The following APBA1 variants were observed in gnomAD, a reference collection of about 807,000 sequenced individuals.
The protein encoded by APBA1 is amyloid-beta A4 precursor protein-binding family A member 1.
In APBA1, 55 loss-of-function variants were observed where a neutral mutation model predicts 86.6. The observed-to-expected ratio is 0.64, with a 90% confidence interval of 0.51 to 0.80. The LOEUF is 0.80. Among genes scored for constraint, APBA1 ranks in the 30% least tolerant of loss-of-function variants. The probability of loss-of-function intolerance (pLI) is 0.00; values close to 1 mark genes in which losing one functional copy is unlikely to be tolerated. For missense variants in APBA1, 1,090 were observed against 1,183.0 expected (o/e 0.92, Z 1.15); for synonymous variants, 511 against 493.9 (o/e 1.03, Z -0.46).
intron 2 of APBA1, among the ~76,000 whole-genome samples, chr9:69,506,375 C>G (rs577317227): frequency 2.3e-5 from 3 of 133,244 alleles, no homozygotes; most frequent in South Asian, 2.6e-4. Flanking sequence ...TAAAAAACCG[C>G]GCACCACGAG....
intron 1 of APBA1, among the ~76,000 whole-genome samples, chr9:69,587,825 G>A (rs185601899): frequency 1.1e-4 from 16 of 152,138 alleles, no homozygotes; most frequent in South Asian, 4.2e-4. Flanking sequence ...AGAAGTTTGC[G>A]ACCAGTTTGA....
intron 1 of APBA1, among the ~76,000 whole-genome samples, chr9:69,639,520 T>C (rs1398186245): frequency 6.6e-6 from 1 of 152,144 alleles, no homozygotes; most frequent in Non-Finnish European, 1.5e-5. Context: ...ACAAGGAGTA[T>C]GTCAAAAGGA....
intron 1 of APBA1, among the ~76,000 whole-genome samples, chr9:69,544,359 T>C (rs1469211862): frequency 6.6e-6 from 1 of 152,198 alleles, no homozygotes; most frequent in African/African-American, 2.4e-5. Flanking sequence ...TAGCTGAAAG[T>C]AATACAAAGT....
chr9:69,528,904 T>C lies in APBA1; in HGVS notation c.-69-11625A>G, dbSNP rs1373209753. ...ATCAGGCAAATAACGAATTGAACAG[T>C]AATTCATTAAAATGTAGTCTTTTTT... On this transcript the variant is annotated intron_variant, in intron 1 of 12. Transcript: ENST00000265381. Among the ~76,000 whole-genome samples the C allele has an allele frequency of 2.0e-5, 3 of 152,130 alleles. No individual in the cohort carries two copies. The East Asian group carries it at 5.8e-4, about 29-fold the overall frequency.
chr9:69,455,921 C>G (rs1301628268), intron 8 of APBA1, among the ~76,000 whole-genome samples: 1 of 152,178 alleles, frequency 6.6e-6, no homozygotes, highest in Non-Finnish European at 1.5e-5. Context: ...GTCACCTCCT[C>G]AAGTGAGGGC....
At chr9:69,634,915 A>C (rs1823125012) in intron 1 of APBA1, among the ~76,000 whole-genome samples, 1 of 152,312 alleles carries the variant, frequency 6.6e-6, no homozygotes, top group South Asian at 2.1e-4. Flanking sequence ...AGATGTTCCT[A>C]GACAAACAAA....
intron 2 of APBA1, among the ~76,000 whole-genome samples, chr9:69,514,084 G>A (rs1210908721): frequency 6.6e-6 from 1 of 152,234 alleles, no homozygotes; most frequent in Non-Finnish European, 1.5e-5. Flanking sequence ...AACAGATTGT[G>A]ACACCTAAGC....
intron 1 of APBA1, among the ~76,000 whole-genome samples, chr9:69,611,166 C>T (rs28881197): frequency 6.6e-6 from 1 of 151,456 alleles, no homozygotes; most frequent in East Asian, 1.9e-4. Context: ...TCAGGTTTGT[C>T]TAACAACTGC....
intron 1 of APBA1, among the ~76,000 whole-genome samples, chr9:69,619,316 T>C (rs1822766956): frequency 6.6e-6 from 1 of 152,158 alleles, no homozygotes; most frequent in Non-Finnish European, 1.5e-5. Flanking sequence ...GACAGAACTA[T>C]AGAAGCAACT....
intron 1 of APBA1, among the ~76,000 whole-genome samples, chr9:69,642,653 G>T (rs545899466): frequency 2.6e-5 from 4 of 152,160 alleles, no homozygotes; most frequent in African/African-American, 7.2e-5. Flanking sequence ...GAGATAGAGA[G>T]AGATAGAGAG....
At chr9:69,598,231 A>G (rs578152794) in intron 1 of APBA1, among the ~76,000 whole-genome samples, 11 of 152,038 alleles carry the variant, frequency 7.2e-5, no homozygotes, top group Non-Finnish European at 1.5e-4. Flanking sequence ...GGAATTGAAC[A>G]ATGAGATCAC....
intron 2 of APBA1, among the ~76,000 whole-genome samples, chr9:69,483,530 C>G (rs1835557591): frequency 6.6e-6 from 1 of 151,626 alleles, no homozygotes; most frequent in Non-Finnish European, 1.5e-5. Context: ...TAGTGTGAAA[C>G]AAACAAACAA....
At chr9:69,484,701 G>A (rs1835578577) in intron 2 of APBA1, among the ~76,000 whole-genome samples, 1 of 152,036 alleles carries the variant, frequency 6.6e-6, no homozygotes, top group East Asian at 1.9e-4. Flanking sequence ...TCCCCCAAGA[G>A]CTCTCAGGAG....
At chr9:69,558,573 T>G (rs911279156) in intron 1 of APBA1, among the ~76,000 whole-genome samples, 21 of 151,220 alleles carry the variant, frequency 1.4e-4, no homozygotes, top group African/African-American at 4.1e-4. Flanking sequence ...TATATATATA[T>G]ATATATATAC....
intron 1 of APBA1, among the ~76,000 whole-genome samples, chr9:69,633,071 G>A (rs1293084992): frequency 6.6e-6 from 1 of 150,692 alleles, no homozygotes; most frequent in African/African-American, 2.4e-5. Context: ...TGCAGGGTTT[G>A]AGAATCTTCC....
chr9:69,625,181 C>T (rs1008387812), intron 1 of APBA1, among the ~76,000 whole-genome samples: 3 of 152,184 alleles, frequency 2.0e-5, no homozygotes, highest in Non-Finnish European at 2.9e-5. Context: ...TCAAACACAT[C>T]GAGCTTGCAC....
At chr9:69,511,456 C>CACTTTTACA (rs1328315209) in intron 2 of APBA1, among the ~76,000 whole-genome samples, 1 of 152,132 alleles carries the variant, frequency 6.6e-6, no homozygotes, top group Admixed American at 6.5e-5. Flanking sequence ...GAAATAGGAA[C>CACTTTTACA]ACTTTTACAC....
chr9:69,477,261 C>T (rs1338424758), intron 2 of APBA1, among the ~76,000 whole-genome samples: 8 of 151,380 alleles, frequency 5.3e-5, no homozygotes, highest in South Asian at 2.1e-4. Context: ...TCAGTGGGTG[C>T]GCGCACCGTG....
chr9:69,644,517 G>T (rs1823351908), intron 1 of APBA1, among the ~76,000 whole-genome samples: 1 of 152,196 alleles, frequency 6.6e-6, no homozygotes, highest in Admixed American at 6.5e-5. Flanking sequence ...GCAGCTCCAT[G>T]AATGGCTTTC....
Sources: allele counts gnomAD v4.1 joint callset (sites outside exome capture counted in the v4.1 genomes callset), GRCh38; gene constraint gnomAD v4.1.1; transcripts MANE v1.5; gene names NCBI Gene and HGNC (gene_info 2026-07-23, HGNC 2026-07-21).